The following HCFC2 variants were observed in gnomAD, a reference collection of about 807,000 sequenced individuals.
HCFC2 encodes the protein host cell factor 2.
Under a neutral mutation model 89.2 loss-of-function variants are expected in HCFC2, and 18 were observed. The observed-to-expected ratio is 0.20, with a 90% CI of 0.14 to 0.30. HCFC2 has a LOEUF of 0.30. HCFC2 is among the 10% of genes least tolerant of loss of function. The pLI is 1.00. For missense variants in HCFC2, 578 were observed against 956.1 expected (o/e 0.60, Z 5.21); for synonymous variants, 308 against 335.7 (o/e 0.92, Z 0.90).
At chr12:104,072,600 T>A (rs1188538344) in intron 3 of HCFC2, among the ~76,000 whole-genome samples, 1 of 152,108 alleles carries the variant, frequency 6.6e-6, no homozygotes, top group African/African-American at 2.4e-5. Context: ...GTAAATGTAT[T>A]CCTAAGTTTT....
chr12:104,105,105 CA>C lies in HCFC2; in HGVS notation c.*1835del, dbSNP rs1441544247. On this transcript the variant is annotated 3_prime_UTR_variant, in exon 15 of 15. Transcript: ENST00000229330. ...TGTAATGTATCTGATATAGGCTAAA[CA>C]AATACTTAACCAAAGTTAAAATACA... is the stretch of plus-strand genomic sequence containing the variant. 1 of 151,912 alleles carries C rather than the reference CA, an allele frequency of 6.6e-6. No homozygotes were observed. 9.4% of individuals were successfully genotyped at this position (151,912 alleles called of 1,614,324 possible). A position where few individuals can be genotyped will look rare whatever the true frequency, so the allele number is the denominator to read the frequency against.
At chr12:104,072,815 T>G (rs1335455316) in intron 3 of HCFC2, among the ~76,000 whole-genome samples, 2 of 151,610 alleles carry the variant, frequency 1.3e-5, no homozygotes, top group Admixed American at 6.6e-5. Flanking sequence ...GCTAATTTTT[T>G]TTGTATTTTT....
At position 104,105,945 on chromosome 12, in the gene HCFC2, C is replaced by T. The variant is rs2030074384; in HGVS notation, c.*2672C>T. The T allele has an allele frequency of 6.6e-6, 1 of 152,092 alleles. No individual in the cohort carries two copies. Among genetic ancestry groups the T allele is most frequent in the African/African-American group, 2.4e-5 (1 of 41,444 alleles). 9.4% of individuals were successfully genotyped at this position (152,092 alleles called of 1,614,324 possible). On this transcript the variant is annotated 3_prime_UTR_variant, in exon 15 of 15. Transcript: ENST00000229330. ...TGTGCCAGTCCTCTTCTGTGTTCTG[C>T]AACTCTGGCTCTCATAAGTAGTAAA... is the stretch of plus-strand genomic sequence containing the variant.
At chr12:104,083,757 G>A (rs1883752122) in intron 7 of HCFC2, among the ~76,000 whole-genome samples, 1 of 152,164 alleles carries the variant, frequency 6.6e-6, no homozygotes, top group African/African-American at 2.4e-5. Context: ...TGGGTGCAGT[G>A]GCTCACACCT....
chr12:104,089,171 G>A (rs189112690), intron 9 of HCFC2, among the ~76,000 whole-genome samples: 241 of 152,208 alleles, frequency 1.6e-3, no homozygotes, highest in African/African-American at 5.5e-3. Flanking sequence ...TATGTGTTTG[G>A]TTGAGGTTGT....
At chr12:104,091,262 G>A (rs758888933) in intron 9 of HCFC2, among the ~76,000 whole-genome samples, 2 of 152,168 alleles carry the variant, frequency 1.3e-5, no homozygotes, top group Non-Finnish European at 2.9e-5. Context: ...TCTCTGGCTT[G>A]GTATGCTGGG....
At chr12:104,091,302 A>G (rs1438456450) in intron 9 of HCFC2, among the ~76,000 whole-genome samples, 2 of 152,154 alleles carry the variant, frequency 1.3e-5, no homozygotes, top group Non-Finnish European at 2.9e-5. Flanking sequence ...AGCCCTTCTT[A>G]AACAGGCTTC....
At chr12:104,085,998 T>C (rs1883827625) in intron 7 of HCFC2, among the ~76,000 whole-genome samples, 1 of 148,546 alleles carries the variant, frequency 6.7e-6, no homozygotes, top group Non-Finnish European at 1.5e-5. Context: ...TCCCACCATT[T>C]TTTTTTTTTT....
chr12:104,099,474 G>T (rs920313702), intron 13 of HCFC2, among the ~76,000 whole-genome samples: 5 of 151,816 alleles, frequency 3.3e-5, no homozygotes, highest in African/African-American at 1.2e-4. Context: ...GGTGGAGCAT[G>T]CCTGCAGTCC....
chr12:104,083,076 C>T (rs1020102272), intron 7 of HCFC2, among the ~76,000 whole-genome samples, 175 bp downstream of exon 7: 1 of 152,068 alleles, frequency 6.6e-6, no homozygotes, highest in Non-Finnish European at 1.5e-5. Context: ...TTATCCTCTC[C>T]TTGAGTGTAG....
chr12:104,100,679 A>C (rs756899908), intron 13 of HCFC2, among the ~76,000 whole-genome samples: 2 of 152,152 alleles, frequency 1.3e-5, no homozygotes. Context: ...ATTATATCCT[A>C]TATATTTATA....
chr12:104,083,165 G>A (rs1005844775), intron 7 of HCFC2, among the ~76,000 whole-genome samples: 14 of 152,040 alleles, frequency 9.2e-5, no homozygotes, highest in Non-Finnish European at 1.0e-4. Flanking sequence ...TGGCAAGCAC[G>A]AGAAACCTGG....
intron 3 of HCFC2, among the ~76,000 whole-genome samples, chr12:104,074,164 G>T (rs1189192237): frequency 6.6e-6 from 1 of 152,096 alleles, no homozygotes; most frequent in African/African-American, 2.4e-5. Flanking sequence ...TTGAGACAGA[G>T]CCTCACTCTG....
intron 10 of HCFC2, 43 bp downstream of exon 10, chr12:104,093,606 G>T (rs760727654): frequency 8.0e-6 from 12 of 1,507,982 alleles, no homozygotes; most frequent in East Asian, 2.3e-5. Flanking sequence ...TATAAAATCG[G>T]TGGGGAATTT....
In HCFC2 at chr12:104,103,027, A is replaced by C; in HGVS notation, c.2133A>C (p.Ser711=). The part of the protein sequence containing the change: ...TSPSGNILEY[S]AYLAIRTAQI... ...CTTCTGGAAATATTTTGGAATATTC[A>C]GCCTACTTGGCTATCCGCACAGCAC... The change falls in exon 15 of 15, where the codon TCA becomes TCC. Residue 711 remains serine, a synonymous_variant. Coordinates refer to ENST00000229330, the MANE Select transcript of HCFC2 (RefSeq NM_013320.3). 6.2e-7 allele frequency: 1 copy of C among 1,613,826 alleles called. No homozygotes were observed.
intron 13 of HCFC2, among the ~76,000 whole-genome samples, chr12:104,100,559 G>A (rs578012420): frequency 6.6e-6 from 1 of 152,078 alleles, no homozygotes; most frequent in East Asian, 1.9e-4. Context: ...GGATGACAGA[G>A]TGAGATGCTG....
Position 104,064,955 on chromosome 12 carries a change from G to T in HCFC2, c.163+232G>T. 2.5e-6 allele frequency: 1 copy of T among 396,318 alleles called. No individual in the cohort carries two copies. Among genetic ancestry groups the T allele is most frequent in the Non-Finnish European group, 4.4e-6 (1 of 226,050 alleles). The allele number at this position is 396,318 out of a possible 1,614,324, so 24.6% of individuals were successfully genotyped here. A position where few individuals can be genotyped will look rare whatever the true frequency, so the allele number is the denominator to read the frequency against. Reference sequence around the variant, plus strand: ...CAACGGACCCCGAGCGGGGCGCACCGGCCTTCAGGCGGGGGATCCCGGACG... The same window carrying T: ...CAACGGACCCCGAGCGGGGCGCACCTGCCTTCAGGCGGGGGATCCCGGACG... On this transcript the variant is annotated intron_variant, in intron 1 of 14. Transcript: ENST00000229330. This position sits in a 1 kb window ranked among gnomAD's most constrained non-coding sequence, Gnocchi z 7.3.
intron 3 of HCFC2, among the ~76,000 whole-genome samples, chr12:104,078,223 G>A (rs997636361): frequency 2.6e-5 from 4 of 152,012 alleles, no homozygotes; most frequent in African/African-American, 4.8e-5. Context: ...GGATGGTCTC[G>A]ATCTCCTGAC....
intron 10 of HCFC2, among the ~76,000 whole-genome samples, chr12:104,094,866 A>G (rs1884129258): frequency 6.6e-6 from 1 of 152,152 alleles, no homozygotes; most frequent in Non-Finnish European, 1.5e-5. Flanking sequence ...GGAATGATTG[A>G]TGAGGGTCCC....
Sources: allele counts gnomAD v4.1 joint callset (sites outside exome capture counted in the v4.1 genomes callset), GRCh38; gene constraint gnomAD v4.1.1; non-coding constraint Gnocchi (gnomAD v3.1); transcripts MANE v1.5; gene names NCBI Gene and HGNC (gene_info 2026-07-23, HGNC 2026-07-21).